Variants in SERTM1 observed in about 807,000 individuals in gnomAD.
SERTM1 encodes the protein serine-rich and transmembrane domain-containing protein 1.
SERTM1 carries 1 observed loss-of-function variant against 5.5 expected under a neutral mutation model. The observed-to-expected ratio is 0.18, with a 90% CI of 0.06 to 0.86. The LOEUF (loss-of-function observed/expected upper bound fraction) is 0.86, where lower values mean the gene tolerates loss of function less well. Ranked by LOEUF, SERTM1 falls within the 40% of genes least tolerant of loss-of-function variation. SERTM1 has a pLI of 0.69. For missense variants in SERTM1, 91 were observed against 122.4 expected (o/e 0.74, Z 1.21); for synonymous variants, 52 against 55.1 (o/e 0.94, Z 0.25).
At chr13:36,693,157 CTTTA>C (rs566712408) in intron 1 of SERTM1, among the ~76,000 whole-genome samples, 179 of 152,290 alleles carry the variant, frequency 1.2e-3, no homozygotes, top group African/African-American at 4.2e-3. Context: ...CAATTAGCTT[CTTTA>C]TTTCTCTATT....
At chr13:36,692,571 C>G (rs967820692) in intron 1 of SERTM1, among the ~76,000 whole-genome samples, 7 of 152,198 alleles carry the variant, frequency 4.6e-5, no homozygotes, top group Non-Finnish European at 7.3e-5. Context: ...CTAGAAGGAA[C>G]TTTCTATCTA....
intron 1 of SERTM1, among the ~76,000 whole-genome samples, chr13:36,686,537 T>A (rs2056742392): frequency 6.6e-6 from 1 of 152,222 alleles, no homozygotes. Context: ...ACACTTGTTT[T>A]ATGTATGTAT....
intron 1 of SERTM1, among the ~76,000 whole-genome samples, chr13:36,685,997 G>A (rs1019115758): frequency 6.6e-6 from 1 of 152,202 alleles, no homozygotes; most frequent in East Asian, 1.9e-4. Context: ...AACTGCAGGA[G>A]AGATATCCTT....
chr13:36,691,038 G>T (rs2056774609), intron 1 of SERTM1, among the ~76,000 whole-genome samples: 1 of 152,180 alleles, frequency 6.6e-6, no homozygotes, highest in Non-Finnish European at 1.5e-5. Flanking sequence ...TTGAATAAAG[G>T]TCATGAAATT....
chr13:36,681,153 C>T (rs145087413), intron 1 of SERTM1, among the ~76,000 whole-genome samples: 156 of 152,314 alleles, frequency 1.0e-3, no homozygotes, highest in Non-Finnish European at 2.0e-3. Context: ...CATGCACCAG[C>T]GCCCATTTGA....
At chr13:36,694,325 G>A (rs1004941888) in intron 1 of SERTM1, among the ~76,000 whole-genome samples, 5 of 152,120 alleles carry the variant, frequency 3.3e-5, no homozygotes, top group Non-Finnish European at 7.4e-5. Context: ...TAAATTAAAT[G>A]CCTAAAGCAT....
At chr13:36,694,538 G>A (rs975469430) in intron 1 of SERTM1, among the ~76,000 whole-genome samples, 1 of 152,198 alleles carries the variant, frequency 6.6e-6, no homozygotes, top group Non-Finnish European at 1.5e-5. Context: ...TGAATGTATG[G>A]AATTAATTTT....
intron 1 of SERTM1, among the ~76,000 whole-genome samples, chr13:36,690,964 G>C (rs755347817): frequency 3.9e-5 from 6 of 152,176 alleles, no homozygotes; most frequent in Non-Finnish European, 7.3e-5. Flanking sequence ...AAAGCAGCTT[G>C]TCCCAGTTTT....
rs2056809865 is a variant in SERTM1 at position 36,695,806 on chromosome 13, T to A, written c.*404T>A. The A allele has an allele frequency of 4.8e-5, 9 of 188,496 alleles. No individual in the cohort carries two copies. The Admixed American group carries it at 5.4e-4, about 11-fold the overall frequency. The allele number at this position is 188,496 out of a possible 1,614,324, so 11.7% of individuals were successfully genotyped here. On this transcript the variant is annotated 3_prime_UTR_variant, in exon 2 of 2. Coordinates refer to ENST00000315190, the MANE Select transcript of SERTM1 (RefSeq NM_203451.3). ...CTGCAGAAACTGGCAAAATCAAGTC[T>A]GACCTATGTAGAAGTTATTTTCCAT...
intron 1 of SERTM1, among the ~76,000 whole-genome samples, chr13:36,677,720 A>C (rs996208890): frequency 5.3e-5 from 8 of 152,238 alleles, no homozygotes; most frequent in Non-Finnish European, 1.0e-4. Context: ...CCAATATAGC[A>C]GCTTTCCTGG....
chr13:36,685,741 A>G (rs926548503), intron 1 of SERTM1, among the ~76,000 whole-genome samples: 74 of 152,312 alleles, frequency 4.9e-4, no homozygotes, highest in African/African-American at 1.7e-3. Context: ...AAGGCTAGTT[A>G]TAAGAGTTGT....
At chr13:36,677,276 C>G (rs12863461) in intron 1 of SERTM1, among the ~76,000 whole-genome samples, 35,535 of 152,174 alleles carry the variant, frequency 0.23, 5,248 homozygotes, top group Middle Eastern at 0.41. Flanking sequence ...GCCGTACACA[C>G]TTTAACATAT....
chr13:36,693,966 C>G (rs2056796263), intron 1 of SERTM1, among the ~76,000 whole-genome samples: 1 of 152,100 alleles, frequency 6.6e-6, no homozygotes, highest in African/African-American at 2.4e-5. Flanking sequence ...ATGGTCCCCC[C>G]TCCACACTCC....
At chr13:36,675,285 G>A (rs1462815599) in intron 1 of SERTM1, among the ~76,000 whole-genome samples, 5 of 152,202 alleles carry the variant, frequency 3.3e-5, no homozygotes, top group Admixed American at 6.5e-5. Flanking sequence ...ATCGCATTTG[G>A]TACCGTCTGC....
At chr13:36,678,973 T>A (rs1371862310) in intron 1 of SERTM1, among the ~76,000 whole-genome samples, 1 of 152,140 alleles carries the variant, frequency 6.6e-6, no homozygotes, top group African/African-American at 2.4e-5. Flanking sequence ...TAGACCTTCC[T>A]CACTGTGACC....
intron 1 of SERTM1, among the ~76,000 whole-genome samples, chr13:36,675,362 C>A (rs1307042818): frequency 1.3e-5 from 2 of 152,186 alleles, no homozygotes; most frequent in Non-Finnish European, 2.9e-5. Context: ...CGGGACTACT[C>A]CCTAAGACGT....
At chr13:36,675,242 T>C (rs769372009) in intron 1 of SERTM1, among the ~76,000 whole-genome samples, 7 of 152,162 alleles carry the variant, frequency 4.6e-5, no homozygotes, top group Non-Finnish European at 7.4e-5. Flanking sequence ...TGGTAAATGA[T>C]GGGCTCCGAT....
intron 1 of SERTM1, among the ~76,000 whole-genome samples, chr13:36,677,230 G>C (rs1044762256): frequency 2.0e-5 from 3 of 151,146 alleles, no homozygotes; most frequent in Non-Finnish European, 4.4e-5. Context: ...TTTGGAAAAA[G>C]AAAAAAAAGA....
intron 1 of SERTM1, among the ~76,000 whole-genome samples, chr13:36,676,971 G>A (rs191950595): frequency 3.0e-4 from 46 of 152,268 alleles, no homozygotes; most frequent in African/African-American, 1.0e-3. Context: ...GTATGCATAT[G>A]TGGCCCAACC....
Sources: allele counts gnomAD v4.1 joint callset (sites outside exome capture counted in the v4.1 genomes callset), GRCh38; gene constraint gnomAD v4.1.1; transcripts MANE v1.5; gene names NCBI Gene and HGNC (gene_info 2026-07-23, HGNC 2026-07-21).